The following DIAPH2 variants were observed in gnomAD, a reference collection of about 807,000 sequenced individuals.
The protein encoded by DIAPH2 is diaphanous related formin 2.
A neutral mutation model predicts 92.7 loss-of-function variants in DIAPH2; 35 were observed. That is an observed-to-expected ratio of 0.38 (90% CI 0.29 to 0.50). The LOEUF is 0.50. Among genes scored for constraint, DIAPH2 ranks in the 20% least tolerant of loss-of-function variants. The probability of loss-of-function intolerance (pLI) is 0.94; values close to 1 mark genes in which losing one functional copy is unlikely to be tolerated. For synonymous variants in DIAPH2, 301 were observed against 280.4 expected, an observed-to-expected ratio of 1.07 and a Z score of -0.73; for missense variants, 701 against 819.5, an observed-to-expected ratio of 0.86 and a Z score of 1.77.
intron 4 of DIAPH2, among the ~76,000 whole-genome samples, chrX:96,802,201 AT>A (rs2064587752): frequency 8.9e-6 from 1 of 112,157 alleles, no homozygotes; most frequent in Non-Finnish European, 1.9e-5. Flanking sequence ...GAGTATAACT[AT>A]AGTTTTAAAT....
At chrX:97,185,347 ATATATGTGTG>A (rs1251649370) in intron 22 of DIAPH2, among the ~76,000 whole-genome samples, 72 of 5,048 alleles carry the variant, frequency 0.014, 4 homozygotes, top group South Asian at 0.057. Flanking sequence ...ATATGTATAT[ATATATGTGTG>A]TATATATATA....
Position 96,718,336 on chromosome X carries a change from G to GTTTTTTTTTT in DIAPH2, c.133-17393_133-17384dup, listed in dbSNP as rs962776012. Reference sequence around the variant, plus strand: ...TGTATATATGTACCACATTTTCTTTGTTTTTTTTTTTTTTTTTTTTTTTTT... The same window carrying GTTTTTTTTTT: ...TGTATATATGTACCACATTTTCTTTGTTTTTTTTTTTTTTTTTTTTTTTTTTTTTTTTTTT... On this transcript the variant is annotated intron_variant, in intron 1 of 26. Transcript: ENST00000324765. 9.1e-4 allele frequency among the ~76,000 whole-genome samples: 10 copies of GTTTTTTTTTT among 10,993 alleles called. 4 individuals are homozygous for GTTTTTTTTTT. Among genetic ancestry groups the GTTTTTTTTTT allele is most frequent in the Admixed American group, 1.7e-3 (1 of 576 alleles). 9.5% of individuals were successfully genotyped at this position (10,993 alleles called of 115,157 possible).
chrX:96,859,779 C>T (rs1464119981), intron 4 of DIAPH2, among the ~76,000 whole-genome samples: 1 of 109,443 alleles, frequency 9.1e-6, no homozygotes, highest in Non-Finnish European at 1.9e-5. Context: ...ATAGCTGGGA[C>T]CACAGGCGCC....
At chrX:97,287,952 C>CAAAAAAAAAAAAAAAAAA (rs748309881) in intron 23 of DIAPH2, among the ~76,000 whole-genome samples, 1 of 39,782 alleles carries the variant, frequency 2.5e-5, no homozygotes, top group African/African-American at 1.1e-4. Flanking sequence ...GACTCTGTCT[C>CAAAAAAAAAAAAAAAAAA]AAAAAAAAAA....
intron 22 of DIAPH2, among the ~76,000 whole-genome samples, chrX:97,185,982 C>T (rs964311902): frequency 9.1e-6 from 1 of 110,436 alleles, no homozygotes; most frequent in African/African-American, 3.3e-5. Context: ...CTGTGGTCAA[C>T]GAAAAACCTC....
intron 17 of DIAPH2, among the ~76,000 whole-genome samples, chrX:96,983,203 GT>G (rs752300460): frequency 2.4e-4 from 27 of 111,029 alleles, no homozygotes; most frequent in Middle Eastern, 4.6e-3. Flanking sequence ...TAGTAATAAT[GT>G]TTTTTTAACT....
intron 23 of DIAPH2, among the ~76,000 whole-genome samples, chrX:97,271,288 A>G (rs2068384168): frequency 8.9e-6 from 1 of 111,931 alleles, no homozygotes; most frequent in Non-Finnish European, 1.9e-5. Context: ...TGCTGTATTC[A>G]TTAATGCTGT....
intron 26 of DIAPH2, among the ~76,000 whole-genome samples, chrX:97,523,765 T>A (rs1330375727): frequency 8.9e-6 from 1 of 112,086 alleles, no homozygotes; most frequent in Non-Finnish European, 1.9e-5. Flanking sequence ...TTTTTTATGA[T>A]CTATTTCATT....
At chrX:97,231,241 C>CTT (rs5903071) in intron 22 of DIAPH2, among the ~76,000 whole-genome samples, 3,241 of 83,316 alleles carry the variant, frequency 0.039, 63 homozygotes, top group African/African-American at 0.055. Flanking sequence ...TTCTTTCAGG[C>CTT]TTTTTTTTTT....
rs1025159956 is a variant in DIAPH2, at chrX:97,364,748, T to C, written c.3009+16468T>C. Among the ~76,000 whole-genome samples the C allele has an allele frequency of 1.5e-4, 14 of 90,878 alleles. No homozygotes were observed. In the Admixed American group the frequency reaches 1.6e-3, roughly 11 times the overall value. 78.9% of individuals were successfully genotyped at this position (90,878 alleles called of 115,157 possible). ...TTCTTGGTTTGATTTTCAGTAAAAA[T>C]GTCTCCTGGTGTTTTTTTTTTTTTT... On this transcript the variant is annotated intron_variant, in intron 24 of 26. Coordinates refer to ENST00000324765, the MANE Select transcript of DIAPH2 (RefSeq NM_006729.5).
At chrX:96,824,151 G>T (rs999391308) in intron 4 of DIAPH2, among the ~76,000 whole-genome samples, 35 of 110,350 alleles carry the variant, frequency 3.2e-4, no homozygotes, top group African/African-American at 1.1e-3. Flanking sequence ...AGATTCTATA[G>T]TGATAATTAA....
chrX:96,900,899 A>AC (rs1461086247), intron 5 of DIAPH2, among the ~76,000 whole-genome samples: 2 of 111,722 alleles, frequency 1.8e-5, no homozygotes, highest in Non-Finnish European at 3.8e-5. Flanking sequence ...ATCAATGTTC[A>AC]CCAGGGATAT....
chrX:96,766,460 TTTTG>T (rs772350106), intron 4 of DIAPH2, among the ~76,000 whole-genome samples: 9 of 110,666 alleles, frequency 8.1e-5, no homozygotes, highest in Non-Finnish European at 1.5e-4. Context: ...GAAGAAATTT[TTTTG>T]TTTGTTTTTT....
At chrX:96,790,166 T>A (rs1336605303) in intron 4 of DIAPH2, among the ~76,000 whole-genome samples, 1 of 108,873 alleles carries the variant, frequency 9.2e-6, no homozygotes, top group South Asian at 4.0e-4. Flanking sequence ...GCCTCCTGGG[T>A]TCTAGTGATT....
At chrX:97,221,103 G>A (rs2067921018) in intron 22 of DIAPH2, among the ~76,000 whole-genome samples, 1 of 83,580 alleles carries the variant, frequency 1.2e-5, no homozygotes, top group African/African-American at 4.2e-5. Context: ...CTCATCTTTA[G>A]ATGAATTTTT....
At chrX:96,803,584 T>A (rs1364087087) in intron 4 of DIAPH2, among the ~76,000 whole-genome samples, 1 of 112,464 alleles carries the variant, frequency 8.9e-6, no homozygotes, top group Non-Finnish European at 1.9e-5. Flanking sequence ...AAAGAATACC[T>A]AAGCCCTAGA....
rs200788117 is a variant in DIAPH2, at chrX:97,109,298, G to GGACC, written c.2350-5428_2350-5427insGACC. ...TAGCCAGGCATGGTGACATGTGCCT[G>GGACC]TAGTCCTGGCTACTCGGGAGGCTGA... is the stretch of plus-strand genomic sequence containing the variant. On this transcript the variant is annotated intron_variant, in intron 20 of 26. Transcript: ENST00000324765. Among the ~76,000 whole-genome samples, 892 of 111,078 alleles carry GGACC rather than the reference G, an allele frequency of 8.0e-3. 30 individuals are homozygous for GGACC. The highest frequency in any genetic ancestry group is 0.069 in the Admixed American group (719 of 10,373).
rs980294633 is a variant in DIAPH2 at position 96,735,853 on chromosome X, G to A, written c.165+63G>A. The A allele has an allele frequency of 8.5e-6, 5 of 585,646 alleles. No homozygotes were observed. In the African/African-American group the frequency reaches 1.2e-4, roughly 14 times the overall value. 48.3% of individuals were successfully genotyped at this position (585,646 alleles called of 1,213,427 possible). On this transcript the variant is annotated intron_variant, in intron 2 of 26. Transcript: ENST00000324765. The stretch of plus-strand genomic sequence containing the variant: ...ATGTTGCCTTTTAATTAAAATGGGT[G>A]GACATAAAAGCATTGATATATGTAA...
At chrX:97,498,708 A>G (rs1387211787) in intron 26 of DIAPH2, among the ~76,000 whole-genome samples, 1 of 111,783 alleles carries the variant, frequency 8.9e-6, no homozygotes, top group African/African-American at 3.2e-5. Context: ...AAGATATTAC[A>G]TTAATTTATT....
Sources: gnomAD v4.1 joint callset for allele counts (sites outside exome capture counted in the v4.1 genomes callset) on GRCh38, gnomAD v4.1.1 for gene constraint, MANE v1.5 for transcripts, NCBI Gene and HGNC (gene_info 2026-07-23, HGNC 2026-07-21) for gene names.